CREB5: variants seen among roughly 807,000 people sequenced by gnomAD.
The protein encoded by CREB5 is cyclic AMP-responsive element-binding protein 5.
In CREB5, 19 loss-of-function variants were observed where a neutral mutation model predicts 57.1. The ratio of observed to expected loss-of-function variants is 0.33; its 90% CI spans 0.23 to 0.49. The LOEUF (loss-of-function observed/expected upper bound fraction) is 0.49. Among genes scored for constraint, CREB5 ranks in the 20% least tolerant of loss-of-function variants. The probability of loss-of-function intolerance (pLI) is 0.99; values close to 1 mark genes in which losing one functional copy is unlikely to be tolerated. For synonymous variants in CREB5, 238 were observed against 238.3 expected (o/e 1.00, Z 0.01); for missense variants, 579 against 671.6 (o/e 0.86, Z 1.52).
chr7:28,347,012 C>A (rs538649021), intron 1 of CREB5, among the ~76,000 whole-genome samples: 14 of 152,138 alleles, frequency 9.2e-5, no homozygotes, highest in African/African-American at 3.1e-4. Context: ...ATGGGAGGAA[C>A]GGGCCAAGAC....
chr7:28,694,250 T>A (rs537356657), intron 5 of CREB5, among the ~76,000 whole-genome samples: 16 of 152,344 alleles, frequency 1.1e-4, no homozygotes, highest in African/African-American at 3.8e-4. Flanking sequence ...GCAATTATAA[T>A]AAACCCATTT....
At chr7:28,799,378 A>G (rs905362836) in intron 7 of CREB5, among the ~76,000 whole-genome samples, 21 of 152,244 alleles carry the variant, frequency 1.4e-4, no homozygotes, top group African/African-American at 5.1e-4. Context: ...CAATGTGCCT[A>G]TTATGGTACC....
At chr7:28,755,986 A>G (rs1805273858) in intron 7 of CREB5, among the ~76,000 whole-genome samples, 1 of 152,162 alleles carries the variant, frequency 6.6e-6, no homozygotes, top group Non-Finnish European at 1.5e-5. Flanking sequence ...GAACAATACA[A>G]TGTATTCTAT....
chr7:28,560,829 C>CGTGTGTGTGTGTGT (rs1562797035), intron 4 of CREB5, among the ~76,000 whole-genome samples: 1 of 65,180 alleles, frequency 1.5e-5, no homozygotes, highest in East Asian at 5.0e-4. Context: ...TGTGCGCGCG[C>CGTGTGTGTGTGTGT]GCGCGTGTGT....
At chr7:28,506,714 C>G (rs1449763464) in intron 3 of CREB5, among the ~76,000 whole-genome samples, 1 of 152,238 alleles carries the variant, frequency 6.6e-6, no homozygotes, top group Non-Finnish European at 1.5e-5. Context: ...AACTCAAGTA[C>G]ACCTTCACCA....
intron 1 of CREB5, among the ~76,000 whole-genome samples, chr7:28,462,901 G>T (rs1790407816): frequency 6.6e-6 from 1 of 151,932 alleles, no homozygotes; most frequent in Admixed American, 6.6e-5. Context: ...GTCCTTTGAA[G>T]CACACAAAAA....
At chr7:28,666,936 G>GAAA (rs113572513) in intron 5 of CREB5, among the ~76,000 whole-genome samples, 4,055 of 129,196 alleles carry the variant, frequency 0.031, 73 homozygotes, top group Middle Eastern at 0.06. Context: ...CCTTTCTTAG[G>GAAA]AAAAAAAAAA....
chr7:28,815,288 GA>G (rs1253757662), intron 9 of CREB5, among the ~76,000 whole-genome samples: 2 of 151,808 alleles, frequency 1.3e-5, no homozygotes, highest in Non-Finnish European at 2.9e-5. Flanking sequence ...CAATAAAAAA[GA>G]AAAAAAGAAT....
intron 7 of CREB5, among the ~76,000 whole-genome samples, chr7:28,801,302 A>G (rs937197335): frequency 1.4e-4 from 21 of 152,200 alleles, no homozygotes; most frequent in African/African-American, 4.8e-4. Context: ...TTTTTATTAT[A>G]AAAAGTATAC....
At chr7:28,413,416 AAAG>A (rs759547279) in intron 1 of CREB5, among the ~76,000 whole-genome samples, 45 of 152,176 alleles carry the variant, frequency 3.0e-4, no homozygotes, top group African/African-American at 8.4e-4. Context: ...CTAAAACTTA[AAAG>A]AAGAAGTATA....
intron 7 of CREB5, among the ~76,000 whole-genome samples, chr7:28,754,975 A>T (rs2128765920): frequency 6.6e-6 from 1 of 152,340 alleles, no homozygotes; most frequent in Middle Eastern, 3.4e-3. Context: ...ACTCGCATTA[A>T]GTAAAAAGAT....
At chr7:28,777,769 GTATT>G (rs1458280270) in intron 7 of CREB5, among the ~76,000 whole-genome samples, 3 of 151,910 alleles carry the variant, frequency 2.0e-5, no homozygotes, top group Non-Finnish European at 4.4e-5. Context: ...TAAAATTATA[GTATT>G]TATTTTTTTC....
At chr7:28,427,278 A>G (rs1205722139) in intron 1 of CREB5, among the ~76,000 whole-genome samples, 1 of 152,224 alleles carries the variant, frequency 6.6e-6, no homozygotes, top group Non-Finnish European at 1.5e-5. Context: ...ACTTAAAACT[A>G]TACCACAGAC....
chr7:28,628,243 T>G (rs1798075362), intron 5 of CREB5, among the ~76,000 whole-genome samples: 1 of 151,978 alleles, frequency 6.6e-6, no homozygotes, highest in African/African-American at 2.4e-5. Flanking sequence ...AGGACTTTTG[T>G]GGTCTACATT....
chr7:28,480,366 T>G (rs895836515), intron 1 of CREB5, among the ~76,000 whole-genome samples: 4 of 152,230 alleles, frequency 2.6e-5, no homozygotes, highest in Non-Finnish European at 1.5e-5. Flanking sequence ...CTGAATTTCG[T>G]TGCTATCATA....
chr7:28,715,191 A>G (rs1802612797), intron 5 of CREB5, among the ~76,000 whole-genome samples: 1 of 152,216 alleles, frequency 6.6e-6, no homozygotes, highest in Non-Finnish European at 1.5e-5. Flanking sequence ...TGAATTTTTT[A>G]ACATAAAAAA....
rs1423246344 is a variant in CREB5 at position 28,595,353 on chromosome 7, GT to G, written c.464+24823del. Among the ~76,000 whole-genome samples the G allele has an allele frequency of 2.0e-5, 3 of 152,054 alleles. No individual in the cohort carries two copies. The East Asian group carries it at 5.8e-4, about 29-fold the overall frequency. Reference sequence around the variant, plus strand: ...TCCATCAGCTCAGGGATTGTGTCTGGTTTTTTTCCCTCCATCGTTTTTATAG... The same window carrying G: ...TCCATCAGCTCAGGGATTGTGTCTGGTTTTTTCCCTCCATCGTTTTTATAG... On this transcript the variant is annotated intron_variant, in intron 5 of 10. Transcript: ENST00000357727.
At chr7:28,511,686 G>A (rs557778091) in intron 4 of CREB5, among the ~76,000 whole-genome samples, 4 of 152,060 alleles carry the variant, frequency 2.6e-5, no homozygotes, top group South Asian at 2.1e-4. Flanking sequence ...GGGTTTCACC[G>A]TGTTGCCCAG....
chr7:28,584,073 C>T (rs1294901929), intron 5 of CREB5, among the ~76,000 whole-genome samples: 4 of 152,182 alleles, frequency 2.6e-5, no homozygotes, highest in Non-Finnish European at 4.4e-5. Context: ...CACAATTTCA[C>T]CTCTACCACA....
Sources: gnomAD v4.1 joint callset for allele counts (sites outside exome capture counted in the v4.1 genomes callset) on GRCh38, gnomAD v4.1.1 for gene constraint, MANE v1.5 for transcripts, NCBI Gene and HGNC (gene_info 2026-07-23, HGNC 2026-07-21) for gene names.